TECPR1: variants seen among roughly 807,000 people sequenced by gnomAD.
The protein encoded by TECPR1 is tectonin beta-propeller repeat-containing protein 1.
A neutral mutation model predicts 162.4 loss-of-function variants in TECPR1; 122 were observed. The ratio of observed to expected loss-of-function variants is 0.75; its 90% CI spans 0.65 to 0.87. The LOEUF (loss-of-function observed/expected upper bound fraction) is 0.87, where lower values mean the gene tolerates loss of function less well. TECPR1 is among the 40% of genes least tolerant of loss of function. The pLI, the probability that TECPR1 is intolerant of heterozygous loss-of-function variation, is 0.00. For synonymous variants in TECPR1, 642 were observed against 670.6 expected, an observed-to-expected ratio of 0.96 and a Z score of 0.66; for missense variants, 1,432 against 1,618.2, an observed-to-expected ratio of 0.88 and a Z score of 1.97.
At chr7:98,242,695 T>TC (rs1798783782) in intron 6 of TECPR1, among the ~76,000 whole-genome samples, 3 of 81,710 alleles carry the variant, frequency 3.7e-5, no homozygotes, top group Admixed American at 3.2e-4. Context: ...ACTCACCCAC[T>TC]CACCCACCCA....
At position 98,217,225 on chromosome 7, in the gene TECPR1, C is replaced by G. The variant is rs1336591785; in HGVS notation, c.*165G>C. The G allele has an allele frequency of 1.2e-5, 7 of 592,392 alleles. No homozygotes were observed. Among genetic ancestry groups the G allele is most frequent in the Admixed American group, 6.1e-5 (2 of 32,536 alleles). 36.7% of individuals were successfully genotyped at this position (592,392 alleles called of 1,614,324 possible). On this transcript the variant is annotated 3_prime_UTR_variant, in exon 26 of 26. Coordinates refer to ENST00000447648, the MANE Select transcript of TECPR1 (RefSeq NM_015395.3). Reference sequence around the variant, plus strand: ...TCCGCGGAGCTTCACATTTCAGGGCCGTCTCAGCCAGTGCCTCTGAAGTGG... The same window carrying G: ...TCCGCGGAGCTTCACATTTCAGGGCGGTCTCAGCCAGTGCCTCTGAAGTGG...
intron 8 of TECPR1, among the ~76,000 whole-genome samples, chr7:98,240,137 T>C (rs1562942154): frequency 6.6e-6 from 1 of 151,972 alleles, no homozygotes. Flanking sequence ...AAAAACCCTG[T>C]GAGTAATCGG....
At chr7:98,244,490 TG>T in intron 5 of TECPR1, 80 bp downstream of exon 5, 1 of 1,518,114 alleles carries the variant, frequency 6.6e-7, no homozygotes, top group Non-Finnish European at 8.9e-7. Flanking sequence ...TGCACACAGG[TG>T]GGGAAGGTGG....
intron 2 of TECPR1, among the ~76,000 whole-genome samples, chr7:98,249,495 G>A (rs945634267): frequency 6.6e-6 from 1 of 152,090 alleles, no homozygotes; most frequent in Admixed American, 6.6e-5. Flanking sequence ...TGACCCCTTC[G>A]TGCCTCACTG....
rs547215296 is a variant in TECPR1, at chr7:98,218,132, C to G, written c.3158-90G>C. 41 of 1,071,090 alleles carry G rather than the reference C, an allele frequency of 3.8e-5. No homozygotes were observed. The South Asian group carries it at 6.1e-4, about 16-fold the overall frequency. The allele number at this position is 1,071,090 out of a possible 1,614,324, so 66.3% of individuals were successfully genotyped here. A position where few individuals can be genotyped will look rare whatever the true frequency, so the allele number is the denominator to read the frequency against. On this transcript the variant is annotated intron_variant, in intron 23 of 25. Coordinates refer to ENST00000447648, the MANE Select transcript of TECPR1 (RefSeq NM_015395.3). ...CGGCAGCCGGTGGCCAGGCCCCGCT[C>G]TAACCACTTCGGGGTTTGGGAAGCT...
In TECPR1 at chr7:98,235,146, T is replaced by C. The variant is rs1186977065; in HGVS notation, c.1182-1235A>G. Among the ~76,000 whole-genome samples the C allele has an allele frequency of 2.0e-5, 3 of 152,234 alleles. No individual in the cohort carries two copies. In the East Asian group the frequency reaches 5.8e-4, roughly 29 times the overall value. On this transcript the variant is annotated intron_variant, in intron 10 of 25. Coordinates refer to ENST00000447648, the MANE Select transcript of TECPR1 (RefSeq NM_015395.3). ...GCTTTTGGTGTCATATCTAAGAAGC[T>C]ATCGCTAACCTCAAAGTTATAAAGA...
At position 98,231,232 on chromosome 7, in the gene TECPR1, T is replaced by A. The variant is rs1244940266; in HGVS notation, c.2116A>T (p.Asn706Tyr). 3 of 1,612,524 alleles carry A rather than the reference T, an allele frequency of 1.9e-6. No homozygotes were observed. In the East Asian group the frequency reaches 6.7e-5, roughly 36 times the overall value. Reference sequence around the variant, plus strand: ...GACCACCGACCACTCACCCAGTCATTCATGTCCTGCTCGGTGGCAGCAGCC... The same window carrying A: ...GACCACCGACCACTCACCCAGTCATACATGTCCTGCTCGGTGGCAGCAGCC... ...RLAAATEQDM[N>Y]DWLALLSLSC... is the part of the protein sequence containing the mutation. The change falls in exon 14 of 26, where the codon AAT (asparagine) becomes TAT (tyrosine). Residue 706 changes from asparagine to tyrosine, a missense_variant. Physicochemically the swap from Asn to Tyr is moderately radical, Grantham distance 143. Coordinates refer to ENST00000447648, the MANE Select transcript of TECPR1 (RefSeq NM_015395.3).
chr7:98,223,963 G>A (rs527630090), intron 19 of TECPR1, among the ~76,000 whole-genome samples: 1 of 152,182 alleles, frequency 6.6e-6, no homozygotes, highest in East Asian at 1.9e-4. Context: ...GGGGGTTGGG[G>A]CCTCCCAGGG....
rs757782510 is a variant in TECPR1 at position 98,241,069 on chromosome 7, C to A, written c.832+1G>T. On this transcript the variant is annotated splice_donor_variant, in intron 7 of 25. Coordinates refer to ENST00000447648, the MANE Select transcript of TECPR1 (RefSeq NM_015395.3). LOFTEE classifies it high-confidence loss of function. The surrounding 1 kb of genome is among the most constrained non-coding windows in gnomAD (Gnocchi z 5.0). ...GTGGGTGGGGGAGCCGGGCTGCCCA[C>A]CTTTGGGATTGCTCCTGTTGATTCC... 6.2e-7 allele frequency: 1 copy of A among 1,603,520 alleles called. No homozygotes were observed. Among genetic ancestry groups the A allele is most frequent in the Non-Finnish European group, 8.5e-7 (1 of 1,174,554 alleles).
At chr7:98,236,089 G>A (rs1238965759) in intron 10 of TECPR1, among the ~76,000 whole-genome samples, 3 of 152,172 alleles carry the variant, frequency 2.0e-5, no homozygotes, top group Non-Finnish European at 2.9e-5. Context: ...CACGCCCGCT[G>A]CAGAGCTGAG....
Position 98,230,148 on chromosome 7 carries a change from C to T in TECPR1, c.2282+813G>A, listed in dbSNP as rs531632233. On this transcript the variant is annotated intron_variant, in intron 15 of 25. Coordinates refer to ENST00000447648, the MANE Select transcript of TECPR1 (RefSeq NM_015395.3). ...AGCAGCTGGAACTACAAGTGCATGA[C>T]ACCATGCCTTGCTAACTTTTTTGGT... 4.9e-4 allele frequency among the ~76,000 whole-genome samples: 75 copies of T among 152,084 alleles called. 1 individual carries two copies. The highest frequency in any genetic ancestry group is 1.8e-3 in the African/African-American group (73 of 41,518).
rs762459209 is a variant in TECPR1, at chr7:98,224,842, G to GC, written c.2648dup (p.Thr884HisfsTer140). 1.3e-6 allele frequency: 2 copies of GC among 1,578,080 alleles called. No homozygotes were observed. Among genetic ancestry groups the GC allele is most frequent in the Non-Finnish European group, 8.6e-7 (1 of 1,162,576 alleles). On this transcript the variant is annotated frameshift_variant, in exon 19 of 26. Transcript: ENST00000447648. LOFTEE classifies it high-confidence loss of function. ...CATACTGCCACCCCTCCTGGTCCGT[G>GC]CCCCCCGGAACGCTGAAATCCACGA...
At position 98,232,507 on chromosome 7, in the gene TECPR1, G is replaced by A. The variant is rs937179114; in HGVS notation, c.1818+320C>T. Among the ~76,000 whole-genome samples the A allele has an allele frequency of 1.3e-5, 2 of 151,890 alleles. No individual in the cohort carries two copies. The highest frequency in any genetic ancestry group is 2.4e-5 in the African/African-American group (1 of 41,362). Reference sequence around the variant, plus strand: ...TCACACGCTACACCCCTGGGCGCCCGGGGTTCCCTCCAGCAGGAAGAGGAT... The same window carrying A: ...TCACACGCTACACCCCTGGGCGCCCAGGGTTCCCTCCAGCAGGAAGAGGAT... On this transcript the variant is annotated intron_variant, in intron 12 of 25. Coordinates refer to ENST00000447648, the MANE Select transcript of TECPR1 (RefSeq NM_015395.3). This position sits in a 1 kb window ranked among gnomAD's most constrained non-coding sequence, Gnocchi z 4.6.
intron 6 of TECPR1, among the ~76,000 whole-genome samples, chr7:98,242,205 C>T (rs1798768600): frequency 6.6e-6 from 1 of 152,212 alleles, no homozygotes; most frequent in Admixed American, 6.5e-5. Context: ...CTGCTAAGCC[C>T]ACTGGGGAGC....
rs747715574 is a variant in TECPR1 at position 98,231,921 on chromosome 7, G to A, written c.1857C>T (p.Cys619=). Residue 619 remains cysteine (C), a synonymous_variant, in exon 13 of 26, where the codon TGC becomes TGT. Coordinates refer to ENST00000447648, the MANE Select transcript of TECPR1 (RefSeq NM_015395.3). Reference sequence around the variant, plus strand: ...CCACCCACTTGTGGGGCTTCCAGTCGCACCACCACTGCAGCGCCCCGGTCT... The same window carrying A: ...CCACCCACTTGTGGGGCTTCCAGTCACACCACCACTGCAGCGCCCCGGTCT... ...WVKTGALQWW[C]DWKPHKWVDV... 1.2e-5 allele frequency: 20 copies of A among 1,609,158 alleles called. No individual in the cohort carries two copies. Among genetic ancestry groups the A allele is most frequent in the South Asian group, 7.7e-5 (7 of 91,072 alleles).
At chr7:98,219,195 A>T (rs1232683521) in intron 23 of TECPR1, among the ~76,000 whole-genome samples, 1 of 152,204 alleles carries the variant, frequency 6.6e-6, no homozygotes, top group African/African-American at 2.4e-5. Flanking sequence ...CATGTAGAAT[A>T]ATGAAACTGG....
In TECPR1 at chr7:98,215,917, C is replaced by T. The variant is rs1191461082; in HGVS notation, c.*1473G>A. The T allele has an allele frequency of 6.6e-6, 1 of 152,222 alleles. No homozygotes were observed. Among genetic ancestry groups the T allele is most frequent in the Non-Finnish European group, 1.5e-5 (1 of 68,066 alleles). 9.4% of individuals were successfully genotyped at this position (152,222 alleles called of 1,614,324 possible). The stretch of plus-strand genomic sequence containing the variant: ...CCAGGGAGGCCTTTCTCAGCATCAG[C>T]TTTTGGGTGACAAACCCCATACAGC... On this transcript the variant is annotated 3_prime_UTR_variant, in exon 26 of 26. Transcript: ENST00000447648.
intron 17 of TECPR1, 131 bp from the exon 18 acceptor site, chr7:98,225,233 A>G (rs1798251968): frequency 1.2e-6 from 1 of 838,070 alleles, no homozygotes; most frequent in African/African-American, 1.7e-5. Context: ...AGGCACTCGC[A>G]CTCCTAAGAG....
intron 6 of TECPR1, among the ~76,000 whole-genome samples, chr7:98,243,140 A>G (rs1489454632): frequency 6.8e-6 from 1 of 146,226 alleles, no homozygotes; most frequent in Non-Finnish European, 1.5e-5. Context: ...ACACCCACCT[A>G]TCCATCCTTC....
Sources: allele counts gnomAD v4.1 joint callset (sites outside exome capture counted in the v4.1 genomes callset), GRCh38; gene constraint gnomAD v4.1.1; non-coding constraint Gnocchi (gnomAD v3.1); transcripts MANE v1.5; gene names NCBI Gene and HGNC (gene_info 2026-07-23, HGNC 2026-07-21).